The following SDK1 variants were observed in gnomAD, a reference collection of about 807,000 sequenced individuals.
SDK1 encodes sidekick cell adhesion molecule 1, also known as protein sidekick-1.
Under a neutral mutation model 245.5 loss-of-function variants are expected in SDK1, and 157 were observed. The ratio of observed to expected loss-of-function variants is 0.64; its 90% CI spans 0.56 to 0.73. The LOEUF (loss-of-function observed/expected upper bound fraction) is 0.73. Among genes scored for constraint, SDK1 ranks in the 30% least tolerant of loss-of-function variants. The pLI, the probability that SDK1 is intolerant of heterozygous loss-of-function variation, is 0.00. For missense variants in SDK1, 3,583 were observed against 3,002.3 expected (o/e 1.19, Z -4.52); for synonymous variants, 1,647 against 1,278.5 (o/e 1.29, Z -6.15).
chr7:3,901,723 C>T (rs1293664291), intron 5 of SDK1, among the ~76,000 whole-genome samples: 1 of 152,192 alleles, frequency 6.6e-6, no homozygotes, highest in African/African-American at 2.4e-5. Flanking sequence ...ACTCTTGCCT[C>T]AGTCAACTAT....
At chr7:3,734,586 C>A (rs1779268733) in intron 4 of SDK1, among the ~76,000 whole-genome samples, 1 of 152,214 alleles carries the variant, frequency 6.6e-6, no homozygotes, top group African/African-American at 2.4e-5. Flanking sequence ...AGATTAGTTA[C>A]CATCTGCAGC....
chr7:3,461,246 C>T (rs899109017), intron 1 of SDK1, among the ~76,000 whole-genome samples: 1 of 152,154 alleles, frequency 6.6e-6, no homozygotes, highest in Non-Finnish European at 1.5e-5. Context: ...TCTCTTGATT[C>T]CTGTCCATTT....
chr7:4,210,137 G>C lies in SDK1; in HGVS notation c.5514G>C (p.Val1838=). 2 of 1,595,972 alleles carry C rather than the reference G, an allele frequency of 1.3e-6. No homozygotes were observed. Among genetic ancestry groups the C allele is most frequent in the Non-Finnish European group, 8.5e-7 (1 of 1,172,846 alleles). ...GCATCCTGCAGGGCTATCGGGTGGTGTACGAGCCCTTGGCCCCTGTACAAG... is the reference window on the plus strand; with the variant it reads ...GCATCCTGCAGGGCTATCGGGTGGTCTACGAGCCCTTGGCCCCTGTACAAG... ...ANGILQGYRV[V]YEPLAPVQGV... is the part of the protein sequence containing the mutation. The change falls in exon 38 of 45, where the codon GTG becomes GTC. Residue 1838 remains valine, a synonymous_variant. Coordinates refer to ENST00000404826, the MANE Select transcript of SDK1 (RefSeq NM_152744.4).
chr7:4,219,595 C>T (rs1041717448), intron 38 of SDK1, among the ~76,000 whole-genome samples: 3 of 152,176 alleles, frequency 2.0e-5, no homozygotes, highest in Admixed American at 1.3e-4. Flanking sequence ...CCCCAGGCCC[C>T]ACCTTGACAA....
At chr7:3,522,104 C>T (rs1782957889) in intron 1 of SDK1, among the ~76,000 whole-genome samples, 1 of 151,524 alleles carries the variant, frequency 6.6e-6, no homozygotes, top group South Asian at 2.1e-4. Flanking sequence ...GTGACTACTT[C>T]ATTAACTCCT....
At chr7:3,441,822 T>G (rs1780205205) in intron 1 of SDK1, among the ~76,000 whole-genome samples, 1 of 152,174 alleles carries the variant, frequency 6.6e-6, no homozygotes, top group Non-Finnish European at 1.5e-5. Flanking sequence ...GTTTAAAATG[T>G]AAACCACTCA....
In SDK1 at chr7:4,139,731, G is replaced by A. The variant is rs570192567; in HGVS notation, c.4229-5991G>A. 5.1e-3 allele frequency among the ~76,000 whole-genome samples: 731 copies of A among 141,946 alleles called. 18 individuals carry two copies. Among genetic ancestry groups the A allele is most frequent in the Admixed American group, 0.021 (303 of 14,586 alleles). 93.1% of individuals were successfully genotyped at this position (141,946 alleles called of 152,430 possible). ...TGTGTGTGTGTGTGTATGTGTGTGT[G>A]TGTGTATGTGTGTGTGTGTGTGTGT... On this transcript the variant is annotated intron_variant, in intron 28 of 44. Transcript: ENST00000404826.
chr7:3,605,898 T>G (rs1200999833), intron 1 of SDK1, among the ~76,000 whole-genome samples: 1 of 152,228 alleles, frequency 6.6e-6, no homozygotes, highest in Non-Finnish European at 1.5e-5. Flanking sequence ...AAAAGTTTTT[T>G]TTTTAATTGA....
intron 1 of SDK1, among the ~76,000 whole-genome samples, chr7:3,514,269 G>T (rs1177402474): frequency 6.6e-6 from 1 of 152,118 alleles, no homozygotes; most frequent in African/African-American, 2.4e-5. Context: ...AGACTATGTT[G>T]TACAGTCTCC....
rs115560246 is a variant in SDK1 at position 3,893,674 on chromosome 7, C to T, written c.848-57249C>T. Among the ~76,000 whole-genome samples, 1,024 of 151,498 alleles carry T rather than the reference C, an allele frequency of 6.8e-3. 13 individuals are homozygous for T. The highest frequency in any genetic ancestry group is 0.023 in the African/African-American group (957 of 41,250). ...GAGATAAAGAAACAGTGAGGGCATT[C>T]GAGTTCATTATCCCAGCCACGATGG... On this transcript the variant is annotated intron_variant, in intron 5 of 44. Transcript: ENST00000404826.
chr7:3,777,074 C>G lies in SDK1; in HGVS notation c.714-44376C>G, dbSNP rs183447984. Among the ~76,000 whole-genome samples, 533 of 152,246 alleles carry G rather than the reference C, an allele frequency of 3.5e-3. 4 individuals carry two copies. Among genetic ancestry groups the G allele is most frequent in the South Asian group, 0.017 (81 of 4,820 alleles). ...TTGTGATGATATTTTTCTCTAAAAT[C>G]TATTTTGTAACTCATTCTTTCTGAT... On this transcript the variant is annotated intron_variant, in intron 4 of 44. Transcript: ENST00000404826.
intron 44 of SDK1, among the ~76,000 whole-genome samples, chr7:4,258,457 C>T (rs1405563561): frequency 6.6e-6 from 1 of 152,208 alleles, no homozygotes; most frequent in Non-Finnish European, 1.5e-5. Context: ...CTGATTTCCC[C>T]ACCATGCAGA....
chr7:3,425,056 A>G (rs1779638205), intron 1 of SDK1, among the ~76,000 whole-genome samples: 2 of 152,162 alleles, frequency 1.3e-5, no homozygotes, highest in Non-Finnish European at 2.9e-5. Flanking sequence ...CTATGTGGAA[A>G]AAGTATTCAA....
In SDK1 at chr7:3,974,394, G is replaced by T. The variant is rs1782735396; in HGVS notation, c.1843G>T (p.Ala615Ser). 3 of 1,613,746 alleles carry T rather than the reference G, an allele frequency of 1.9e-6. No individual in the cohort carries two copies. Among genetic ancestry groups the T allele is most frequent in the Non-Finnish European group, 1.7e-6 (2 of 1,179,872 alleles). Residue 615 changes from alanine (A) to serine (S), a missense_variant, in exon 13 of 45, where the codon GCC becomes TCC. Physicochemically the swap from Ala to Ser is moderately conservative, Grantham distance 99. Coordinates refer to ENST00000404826, the MANE Select transcript of SDK1 (RefSeq NM_152744.4). ...LRYVWKKDNV[A>S]LTPSSTSRIV... Reference sequence around the variant, plus strand: ...CTACGTTTGGAAGAAGGACAACGTGGCCCTGACTCCATCGAGCACGTCTAG... The same window carrying T: ...CTACGTTTGGAAGAAGGACAACGTGTCCCTGACTCCATCGAGCACGTCTAG...
At chr7:4,253,879 G>A (rs1470091577) in intron 44 of SDK1, among the ~76,000 whole-genome samples, 1 of 152,084 alleles carries the variant, frequency 6.6e-6, no homozygotes, top group East Asian at 1.9e-4. Flanking sequence ...ATAAAGATAT[G>A]TCTCGTATCT....
At chr7:4,177,885 C>T (rs988887048) in intron 34 of SDK1, among the ~76,000 whole-genome samples, 12 of 152,318 alleles carry the variant, frequency 7.9e-5, no homozygotes, top group South Asian at 2.1e-4. Context: ...GGGGAGACAG[C>T]GACAGATCAT....
chr7:4,212,201 T>C (rs1227770548), intron 38 of SDK1, among the ~76,000 whole-genome samples: 3 of 151,956 alleles, frequency 2.0e-5, no homozygotes, highest in Admixed American at 1.3e-4. Context: ...CCTTTAAAAA[T>C]AAGCACATTT....
chr7:4,120,875 C>A (rs1359830015), intron 25 of SDK1, among the ~76,000 whole-genome samples: 3 of 150,688 alleles, frequency 2.0e-5, no homozygotes, highest in African/African-American at 7.4e-5. Context: ...CTTGGTTTCC[C>A]AAGGTGCTGG....
intron 1 of SDK1, among the ~76,000 whole-genome samples, chr7:3,522,677 T>G (rs1329384253): frequency 6.6e-6 from 1 of 152,028 alleles, no homozygotes; most frequent in Non-Finnish European, 1.5e-5. Flanking sequence ...TGCCAGAGGC[T>G]GGGGGGATAG....
Sources: gnomAD v4.1 joint callset for allele counts (sites outside exome capture counted in the v4.1 genomes callset) on GRCh38, gnomAD v4.1.1 for gene constraint, MANE v1.5 for transcripts, NCBI Gene and HGNC (gene_info 2026-07-23, HGNC 2026-07-21) for gene names.